Variants in PACRG observed in about 807,000 individuals in gnomAD.
PACRG encodes the protein parkin coregulated gene protein.
A neutral mutation model predicts 29.7 loss-of-function variants in PACRG; 29 were observed. The ratio of observed to expected loss-of-function variants is 0.98; its 90% CI spans 0.73 to 1.33. The LOEUF (loss-of-function observed/expected upper bound fraction) is 1.33, where lower values mean the gene tolerates loss of function less well. Ranked by LOEUF, PACRG falls within the 40% of genes most tolerant of loss-of-function variation. The pLI, the probability that PACRG is intolerant of heterozygous loss-of-function variation, is 0.00. For missense variants in PACRG, 279 were observed against 316.2 expected (o/e 0.88, Z 0.89); for synonymous variants, 116 against 118.7 (o/e 0.98, Z 0.15).
intron 2 of PACRG, among the ~76,000 whole-genome samples, chr6:162,905,855 G>A (rs1219326984): frequency 6.6e-6 from 1 of 152,116 alleles, no homozygotes; most frequent in African/African-American, 2.4e-5. Context: ...AGAGTGAAAT[G>A]GTGGTTATTC....
At chr6:162,774,071 T>C (rs1783451472) in intron 1 of PACRG, among the ~76,000 whole-genome samples, 1 of 152,240 alleles carries the variant, frequency 6.6e-6, no homozygotes, top group African/African-American at 2.4e-5. Context: ...GGTTTTGTCA[T>C]ATTTACTCCC....
chr6:163,252,385 T>C lies in PACRG; in HGVS notation c.614-62442T>C, dbSNP rs1312257957. Among the ~76,000 whole-genome samples the C allele has an allele frequency of 1.2e-4, 19 of 152,342 alleles. No homozygotes were observed. The East Asian group carries it at 1.5e-3, about 12-fold the overall frequency. On this transcript the variant is annotated intron_variant, in intron 4 of 4. Coordinates refer to ENST00000366888, the MANE Select transcript of PACRG (RefSeq NM_001080379.2). ...GATGAGCAGCAGGGGGGCGACATCA[T>C]CGGGGAAACAAATCACTGCACGGGT... is the stretch of plus-strand genomic sequence containing the variant.
Position 163,212,056 on chromosome 6 carries a change from A to G in PACRG, c.614-102771A>G, listed in dbSNP as rs180886110. On this transcript the variant is annotated intron_variant, in intron 4 of 4. Transcript: ENST00000366888. ...CCAGAGTGACCAGAAAGGCATCTGC[A>G]TTGGGATGAAGAAGGAGTACAGAGC... Among the ~76,000 whole-genome samples the G allele has an allele frequency of 5.3e-4, 80 of 152,318 alleles. No homozygotes were observed. The South Asian group carries it at 0.013, about 25-fold the overall frequency.
chr6:163,009,006 A>C (rs1046778641), intron 2 of PACRG, among the ~76,000 whole-genome samples: 1 of 152,158 alleles, frequency 6.6e-6, no homozygotes, highest in African/African-American at 2.4e-5. Context: ...TTTGCTTTCT[A>C]AGATCCTTTC....
intron 4 of PACRG, among the ~76,000 whole-genome samples, chr6:163,134,204 G>C (rs1816843022): frequency 6.6e-6 from 1 of 152,144 alleles, no homozygotes; most frequent in Non-Finnish European, 1.5e-5. Flanking sequence ...AAAAGCACAG[G>C]AGTAAGAAAG....
At chr6:163,100,693 T>C (rs539224579) in intron 4 of PACRG, 7 of 762,578 alleles carry the variant, frequency 9.2e-6, no homozygotes, top group Non-Finnish European at 1.1e-5. Flanking sequence ...GGAGAAATGT[T>C]CCTCTTAGTA....
intron 2 of PACRG, among the ~76,000 whole-genome samples, chr6:162,971,699 G>T (rs913468297): frequency 1.3e-5 from 2 of 152,128 alleles, no homozygotes; most frequent in Non-Finnish European, 2.9e-5. Flanking sequence ...ATGGAATAAG[G>T]TTTTTAATAT....
intron 4 of PACRG, among the ~76,000 whole-genome samples, chr6:163,304,009 C>T (rs1406017357): frequency 3.4e-5 from 3 of 89,346 alleles, no homozygotes; most frequent in Non-Finnish European, 6.1e-5. Context: ...GAGCAAGACT[C>T]CATTTCAAAA....
intron 4 of PACRG, among the ~76,000 whole-genome samples, chr6:163,117,821 ACT>A (rs1370019538): frequency 1.3e-5 from 2 of 152,142 alleles, no homozygotes; most frequent in African/African-American, 4.8e-5. Context: ...AGATAATCAA[ACT>A]CTGAAACTGT....
rs969335644 is a variant in PACRG, at chr6:162,728,136, G to A, written c.-100G>A. ...GAGGGGTTGAATTTCTACCATTATC[G>A]CGCCTTTTGATATTTTTTTCCAGAC... is the stretch of plus-strand genomic sequence containing the variant. On this transcript the variant is annotated 5_prime_UTR_variant, in exon 1 of 5. Transcript: ENST00000366888. The A allele has an allele frequency of 8.2e-5, 113 of 1,378,190 alleles. No homozygotes were observed. Among genetic ancestry groups the A allele is most frequent in the Non-Finnish European group, 1.1e-4 (107 of 1,007,608 alleles). 85.4% of individuals were successfully genotyped at this position (1,378,190 alleles called of 1,614,324 possible).
At chr6:162,986,373 A>G (rs1413971467) in intron 2 of PACRG, among the ~76,000 whole-genome samples, 1 of 152,174 alleles carries the variant, frequency 6.6e-6, no homozygotes, top group Non-Finnish European at 1.5e-5. Flanking sequence ...ACATAGACTG[A>G]TGGAACAGAA....
intron 1 of PACRG, among the ~76,000 whole-genome samples, chr6:162,772,280 C>T (rs977632523): frequency 1.3e-4 from 20 of 152,108 alleles, no homozygotes; most frequent in Admixed American, 9.8e-4. Flanking sequence ...AGAATAACTA[C>T]GAGAGCAACA....
At chr6:163,148,756 C>G (rs180682693) in intron 4 of PACRG, among the ~76,000 whole-genome samples, 12 of 152,240 alleles carry the variant, frequency 7.9e-5, no homozygotes, top group African/African-American at 2.9e-4. Flanking sequence ...CGAGAACATA[C>G]AGCACACAGA....
At chr6:163,174,880 A>C (rs1462324396) in intron 4 of PACRG, among the ~76,000 whole-genome samples, 1 of 152,014 alleles carries the variant, frequency 6.6e-6, no homozygotes, top group Non-Finnish European at 1.5e-5. Flanking sequence ...CTCACAGCAC[A>C]CGTAAATAAA....
chr6:163,009,350 T>A (rs1449408724), intron 2 of PACRG, among the ~76,000 whole-genome samples: 1 of 152,170 alleles, frequency 6.6e-6, no homozygotes, highest in Admixed American at 6.6e-5. Context: ...TATATATTAT[T>A]CCATAAAATA....
At chr6:162,771,059 C>A (rs1029588077) in intron 1 of PACRG, among the ~76,000 whole-genome samples, 2 of 151,948 alleles carry the variant, frequency 1.3e-5, no homozygotes, top group Non-Finnish European at 2.9e-5. Context: ...CAATGAAATA[C>A]ATTAGTATTC....
chr6:162,957,595 C>T (rs938670527), intron 2 of PACRG: 19 of 182,276 alleles, frequency 1.0e-4, no homozygotes, highest in African/African-American at 4.2e-4. Context: ...ATGTAGACAA[C>T]GACGTCCATG....
chr6:163,060,099 T>A (rs1370188384), intron 2 of PACRG, among the ~76,000 whole-genome samples: 2 of 151,524 alleles, frequency 1.3e-5, no homozygotes, highest in Non-Finnish European at 2.9e-5. Context: ...AAAAAGTAAA[T>A]AAAAAACAAC....
intron 2 of PACRG, among the ~76,000 whole-genome samples, chr6:162,864,494 G>C (rs1792132302): frequency 6.6e-6 from 1 of 152,088 alleles, no homozygotes; most frequent in Non-Finnish European, 1.5e-5. Flanking sequence ...AGTACAATGA[G>C]ACAGATGACA....
Sources: gnomAD v4.1 joint callset for allele counts (sites outside exome capture counted in the v4.1 genomes callset) on GRCh38, gnomAD v4.1.1 for gene constraint, MANE v1.5 for transcripts, NCBI Gene and HGNC (gene_info 2026-07-23, HGNC 2026-07-21) for gene names.